The following LAMA2 variants were observed in gnomAD, a reference collection of about 807,000 sequenced individuals.
LAMA2 encodes laminin subunit alpha-2.
A neutral mutation model predicts 364.8 loss-of-function variants in LAMA2; 269 were observed. The observed-to-expected ratio is 0.74, with a 90% CI of 0.67 to 0.82. The LOEUF is 0.82. Among genes scored for constraint, LAMA2 ranks in the 40% least tolerant of loss-of-function variants. The pLI is 0.00. For missense variants in LAMA2, 3,807 were observed against 3,873.2 expected (o/e 0.98, Z 0.45); for synonymous variants, 1,379 against 1,370.6 (o/e 1.01, Z -0.14).
At chr6:129,135,958 T>G (rs1777768069) in intron 4 of LAMA2, among the ~76,000 whole-genome samples, 2 of 152,194 alleles carry the variant, frequency 1.3e-5, no homozygotes, top group Non-Finnish European at 2.9e-5. Context: ...CTTCGAGTAC[T>G]TTTTAAAAAT....
chr6:129,332,157 A>C (rs2114543126), intron 29 of LAMA2, among the ~76,000 whole-genome samples: 1 of 152,280 alleles, frequency 6.6e-6, no homozygotes, highest in South Asian at 2.1e-4. Context: ...TTTACTATTA[A>C]GTTTATGATT....
rs146712611 is a variant in LAMA2, at chr6:128,889,603, C to G, written c.112+6246C>G. ...CTCCCTTTCTTTATTTTCCTTTTCC[C>G]TTAGTATTCTTCCTGTGAATAAAAT... On this transcript the variant is annotated intron_variant, in intron 1 of 64. Coordinates refer to ENST00000421865, the MANE Select transcript of LAMA2 (RefSeq NM_000426.4). Among the ~76,000 whole-genome samples, 472 of 151,886 alleles carry G rather than the reference C, an allele frequency of 3.1e-3. 2 individuals are homozygous for G. The highest frequency in any genetic ancestry group is 0.011 in the African/African-American group (451 of 41,426).
rs561343120 is a variant in LAMA2 at position 128,887,869 on chromosome 6, C to CAAACA, written c.112+4536_112+4540dup. Among the ~76,000 whole-genome samples, 42 of 152,154 alleles carry CAAACA rather than the reference C, an allele frequency of 2.8e-4. No individual in the cohort carries two copies. The South Asian group carries it at 3.9e-3, about 14-fold the overall frequency. ...TGGGCAACAGAGGGAGACTCTATCT[C>CAAACA]AAACAAAACAAAACAAAACAAAACA... On this transcript the variant is annotated intron_variant, in intron 1 of 64. Transcript: ENST00000421865.
intron 53 of LAMA2, among the ~76,000 whole-genome samples, chr6:129,477,786 AC>A (rs1562599885): frequency 1.3e-5 from 2 of 152,196 alleles, no homozygotes; most frequent in Non-Finnish European, 2.9e-5. Flanking sequence ...TTAAAAAAAA[AC>A]ATTTTTTTAT....
chr6:129,272,069 A>G (rs1015254202), intron 17 of LAMA2, among the ~76,000 whole-genome samples: 2 of 152,178 alleles, frequency 1.3e-5, no homozygotes, highest in African/African-American at 4.8e-5. Context: ...TGTTTGGAAA[A>G]GAAGAGAAAG....
chr6:129,148,322 G>T (rs1289533072), intron 6 of LAMA2, among the ~76,000 whole-genome samples: 1 of 152,072 alleles, frequency 6.6e-6, no homozygotes, highest in Non-Finnish European at 1.5e-5. Context: ...ATGGACTCAA[G>T]GAGGGGAACA....
intron 8 of LAMA2, among the ~76,000 whole-genome samples, chr6:129,164,549 G>A (rs1779625223): frequency 6.6e-6 from 1 of 152,162 alleles, no homozygotes; most frequent in Non-Finnish European, 1.5e-5. Context: ...TAAACTTGCT[G>A]AGTGATCACC....
At chr6:128,943,596 G>A (rs556472693) in intron 1 of LAMA2, among the ~76,000 whole-genome samples, 293 of 151,994 alleles carry the variant, frequency 1.9e-3, no homozygotes, top group African/African-American at 6.5e-3. Context: ...CCTGACCATC[G>A]TCCATATATT....
intron 1 of LAMA2, among the ~76,000 whole-genome samples, chr6:128,905,162 C>A (rs892235280): frequency 2.6e-5 from 4 of 152,174 alleles, no homozygotes; most frequent in Non-Finnish European, 5.9e-5. Flanking sequence ...TGCTAAACAA[C>A]ATAAACCAAT....
intron 1 of LAMA2, among the ~76,000 whole-genome samples, chr6:128,955,718 ATC>A (rs1413780184): frequency 6.6e-6 from 1 of 151,964 alleles, no homozygotes; most frequent in Non-Finnish European, 1.5e-5. Flanking sequence ...CATCACATTT[ATC>A]TCTCTTTTCT....
At chr6:129,303,195 A>G (rs962377029) in intron 22 of LAMA2, among the ~76,000 whole-genome samples, 27 of 152,112 alleles carry the variant, frequency 1.8e-4, no homozygotes, top group African/African-American at 6.5e-4. Context: ...TATCCGTTTC[A>G]TATTTTTTAT....
intron 3 of LAMA2, among the ~76,000 whole-genome samples, chr6:129,079,398 T>TC (rs60169885): frequency 0.74 from 112,665 of 151,862 alleles, 44,043 homozygotes; most frequent in East Asian, 0.97. Context: ...TTAGGATGTA[T>TC]CCCCTGAGGA....
At chr6:129,465,673 A>T (rs1176344829) in intron 51 of LAMA2, among the ~76,000 whole-genome samples, 1 of 151,940 alleles carries the variant, frequency 6.6e-6, no homozygotes, top group Non-Finnish European at 1.5e-5. Flanking sequence ...CATAGTTATC[A>T]GTTCTTTGCT....
intron 3 of LAMA2, among the ~76,000 whole-genome samples, chr6:129,095,125 C>G (rs1775091214): frequency 6.6e-6 from 1 of 152,202 alleles, no homozygotes; most frequent in Non-Finnish European, 1.5e-5. Context: ...TCTCATTTGC[C>G]TGAAGAATAC....
intron 23 of LAMA2, among the ~76,000 whole-genome samples, chr6:129,314,016 A>T (rs1158293069): frequency 6.6e-6 from 1 of 152,202 alleles, no homozygotes; most frequent in Admixed American, 6.5e-5. Flanking sequence ...ACTGTTTAAG[A>T]CTCAATGTTT....
chr6:128,892,018 G>A (rs1776486076), intron 1 of LAMA2, among the ~76,000 whole-genome samples: 1 of 151,926 alleles, frequency 6.6e-6, no homozygotes, highest in African/African-American at 2.4e-5. Context: ...GATAGGTTTA[G>A]GTTAGATAAT....
intron 1 of LAMA2, among the ~76,000 whole-genome samples, chr6:128,989,353 T>C (rs1783461073): frequency 6.6e-6 from 1 of 152,216 alleles, no homozygotes; most frequent in Non-Finnish European, 1.5e-5. Context: ...AGTGAAATCA[T>C]GCATGCTCCT....
chr6:129,169,703 T>C lies in LAMA2; in HGVS notation c.1306+4028T>C, dbSNP rs1440799313. 2.6e-3 allele frequency among the ~76,000 whole-genome samples: 362 copies of C among 138,326 alleles called. 2 individuals are homozygous for C. Among genetic ancestry groups the C allele is most frequent in the African/African-American group, 9.6e-3 (330 of 34,550 alleles). The allele number at this position is 138,326 out of a possible 152,430, so 90.7% of individuals were successfully genotyped here. On this transcript the variant is annotated intron_variant, in intron 9 of 64. Transcript: ENST00000421865. Reference sequence around the variant, plus strand: ...AAATGAGTTAGGGAGGATTCCCTCTTTTTCTATTGATTGGAATAGTTTCAG... The same window carrying C: ...AAATGAGTTAGGGAGGATTCCCTCTCTTTCTATTGATTGGAATAGTTTCAG...
intron 49 of LAMA2, among the ~76,000 whole-genome samples, chr6:129,463,169 A>G (rs78340257): frequency 0.057 from 8,675 of 152,132 alleles, 301 homozygotes; most frequent in Non-Finnish European, 0.083. Context: ...CCAAAATAGC[A>G]TAATTAATCT....
Sources: allele counts gnomAD v4.1 joint callset (sites outside exome capture counted in the v4.1 genomes callset), GRCh38; gene constraint gnomAD v4.1.1; transcripts MANE v1.5; gene names NCBI Gene and HGNC (gene_info 2026-07-23, HGNC 2026-07-21).